The following MYH10 variants were observed in gnomAD, a reference collection of about 807,000 sequenced individuals.
MYH10 encodes myosin heavy chain 10.
MYH10 carries 55 observed loss-of-function variants against 257.8 expected under a neutral mutation model. That is an observed-to-expected ratio of 0.21 (90% CI 0.17 to 0.27). The LOEUF (loss-of-function observed/expected upper bound fraction) is 0.27. Among genes scored for constraint, MYH10 ranks in the 10% least tolerant of loss-of-function variants. The pLI is 1.00. For synonymous variants in MYH10, 854 were observed against 921.7 expected, an observed-to-expected ratio of 0.93 and a Z score of 1.33; for missense variants, 1,631 against 2,500.6, an observed-to-expected ratio of 0.65 and a Z score of 7.42.
intron 2 of MYH10, among the ~76,000 whole-genome samples, chr17:8,612,669 G>A (rs2085087728): frequency 6.6e-6 from 1 of 151,994 alleles, no homozygotes; most frequent in South Asian, 2.1e-4. Flanking sequence ...TGACCAACAC[G>A]GTGAAACCCC....
Position 8,475,891 on chromosome 17 carries a change from A to G in MYH10, c.5937T>C (p.Leu1979=). The change falls in exon 43 of 43, where the codon CTT becomes CTC. Residue 1979 remains leucine (L), a synonymous_variant. Transcript: ENST00000360416. Reference sequence around the variant, plus strand: ...CGGAGAGCTCCAGGGAAGCTCCTTCAAGGTGCAGCTGGCGCCGGCCAGATC... The same window carrying G: ...CGGAGAGCTCCAGGGAAGCTCCTTCGAGGTGCAGCTGGCGCCGGCCAGATC... The part of the protein sequence containing the change: ...SSRSGRRQLH[L]EGASLELSDD... 1 of 1,614,180 alleles carries G rather than the reference A, an allele frequency of 6.2e-7. No individual in the cohort carries two copies.
intron 23 of MYH10, 149 bp downstream of exon 23, chr17:8,513,389 C>T (rs1597704228): frequency 7.9e-7 from 1 of 1,261,528 alleles, no homozygotes; most frequent in Non-Finnish European, 1.1e-6. Context: ...AAAATATATA[C>T]AATTTGGAAA....
intron 21 of MYH10, 52 bp downstream of exon 21, chr17:8,518,579 T>C: frequency 6.4e-7 from 1 of 1,564,726 alleles, no homozygotes; most frequent in Non-Finnish European, 8.7e-7. Context: ...GCAATGCTTA[T>C]CTAGCACAAG....
intron 21 of MYH10, among the ~76,000 whole-genome samples, chr17:8,514,224 A>C (rs1346901274): frequency 6.6e-6 from 1 of 152,188 alleles, no homozygotes; most frequent in Non-Finnish European, 1.5e-5. Flanking sequence ...GAGGCAATGA[A>C]GACTGTAGAC....
chr17:8,609,440 A>G (rs886782343), intron 2 of MYH10, among the ~76,000 whole-genome samples: 1 of 152,208 alleles, frequency 6.6e-6, no homozygotes, highest in East Asian at 1.9e-4. Context: ...TTGAAAAAAA[A>G]CCTAAATAAT....
At chr17:8,558,212 AATAAT>A (rs2082871615) in intron 7 of MYH10, among the ~76,000 whole-genome samples, 2 of 152,360 alleles carry the variant, frequency 1.3e-5, no homozygotes, top group Admixed American at 1.3e-4. Context: ...ACTCTACACA[AATAAT>A]ATAATTATTG....
intron 3 of MYH10, among the ~76,000 whole-genome samples, chr17:8,597,079 T>C (rs1326658277): frequency 3.9e-5 from 6 of 152,160 alleles, no homozygotes; most frequent in African/African-American, 7.2e-5. Flanking sequence ...GTAGTTCAAA[T>C]TGATGTAGGT....
At position 8,611,764 on chromosome 17, in the gene MYH10, G is replaced by A. The variant is rs147699401; in HGVS notation, c.346-6782C>T. On this transcript the variant is annotated intron_variant, in intron 2 of 42. Transcript: ENST00000360416. ...GAGGAATGTGAGACCCAGATGGGAC[G>A]AGGTGAAACGATCTGGAGCATGTGA... 2.0e-5 allele frequency among the ~76,000 whole-genome samples: 3 copies of A among 152,290 alleles called. No homozygotes were observed. In the East Asian group the frequency reaches 5.8e-4, roughly 29 times the overall value.
intron 26 of MYH10, among the ~76,000 whole-genome samples, chr17:8,508,046 C>T (rs991759174): frequency 6.6e-6 from 1 of 152,058 alleles, no homozygotes; most frequent in Non-Finnish European, 1.5e-5. Context: ...CTTAAGAGCC[C>T]TTTTTATTAT....
intron 40 of MYH10, among the ~76,000 whole-genome samples, chr17:8,478,930 C>T (rs1913184821): frequency 6.6e-6 from 1 of 152,228 alleles, no homozygotes; most frequent in Non-Finnish European, 1.5e-5. Context: ...CGGGGTTTTA[C>T]TACGTTGGCC....
intron 3 of MYH10, among the ~76,000 whole-genome samples, chr17:8,592,022 T>C (rs1207567334): frequency 2.6e-5 from 4 of 152,102 alleles, no homozygotes; most frequent in Non-Finnish European, 4.4e-5. Context: ...TAAAACCCTA[T>C]ACATGTAACC....
intron 2 of MYH10, among the ~76,000 whole-genome samples, chr17:8,610,293 G>A (rs946235404): frequency 4.3e-4 from 8 of 18,558 alleles, no homozygotes; most frequent in African/African-American, 2.3e-3. Context: ...AAAAAAAAAA[G>A]GGTTGGGGGA....
chr17:8,576,124 C>T (rs574859047), intron 6 of MYH10, among the ~76,000 whole-genome samples: 3 of 152,164 alleles, frequency 2.0e-5, no homozygotes, highest in Non-Finnish European at 4.4e-5. Flanking sequence ...ACTATAGGTG[C>T]ATACCACTGT....
At chr17:8,556,366 A>C (rs1347218028) in intron 7 of MYH10, among the ~76,000 whole-genome samples, 1 of 152,232 alleles carries the variant, frequency 6.6e-6, no homozygotes, top group Non-Finnish European at 1.5e-5. Context: ...GAAACAACCC[A>C]ATGTCCACCA....
intron 30 of MYH10, among the ~76,000 whole-genome samples, chr17:8,495,944 C>A (rs1191156575): frequency 6.6e-6 from 1 of 152,114 alleles, no homozygotes; most frequent in East Asian, 1.9e-4. Context: ...CTCCTGACCT[C>A]CTGATCTGCC....
Position 8,490,103 on chromosome 17 carries a change from G to T in MYH10, c.4884+237C>A. The T allele has an allele frequency of 2.3e-6, 1 of 432,588 alleles. No homozygotes were observed. Among genetic ancestry groups the T allele is most frequent in the Non-Finnish European group, 4.2e-6 (1 of 237,836 alleles). The allele number at this position is 432,588 out of a possible 1,614,324, so 26.8% of individuals were successfully genotyped here. ...TTTGGGAGTCCACTGAGGGCTTTCT[G>T]ACTGATAAGTGTCTGGCTTGTAGGC... On this transcript the variant is annotated intron_variant, in intron 35 of 42. Coordinates refer to ENST00000360416, the MANE Select transcript of MYH10 (RefSeq NM_001256012.3). The surrounding 1 kb of genome is among the most constrained non-coding windows in gnomAD (Gnocchi z 4.1).
chr17:8,515,128 T>C (rs2081423372), intron 21 of MYH10, among the ~76,000 whole-genome samples: 2 of 152,240 alleles, frequency 1.3e-5, no homozygotes, highest in Admixed American at 6.5e-5. Flanking sequence ...AGGATGTTTG[T>C]TGAGTAAATT....
intron 7 of MYH10, among the ~76,000 whole-genome samples, chr17:8,562,834 G>A (rs1597836358): frequency 6.6e-6 from 1 of 152,036 alleles, no homozygotes; most frequent in Non-Finnish European, 1.5e-5. Flanking sequence ...AGGGAAACCC[G>A]GATATTTGAT....
intron 6 of MYH10, among the ~76,000 whole-genome samples, chr17:8,576,044 TG>T (rs536513531): frequency 4.5e-4 from 68 of 152,348 alleles, no homozygotes; most frequent in African/African-American, 1.5e-3. Flanking sequence ...CACAGTTGTG[TG>T]ATCATAGCTC....
Sources: allele counts gnomAD v4.1 joint callset (sites outside exome capture counted in the v4.1 genomes callset), GRCh38; gene constraint gnomAD v4.1.1; non-coding constraint Gnocchi (gnomAD v3.1); transcripts MANE v1.5; gene names NCBI Gene and HGNC (gene_info 2026-07-23, HGNC 2026-07-21).